Variants in MAGT1 observed in about 807,000 individuals in gnomAD.
MAGT1 encodes dolichyl-diphosphooligosaccharide--protein glycosyltransferase subunit MAGT1.
Under a neutral mutation model 28.4 loss-of-function variants are expected in MAGT1, and 4 were observed. The ratio of observed to expected loss-of-function variants is 0.14; its 90% confidence interval spans 0.07 to 0.32. MAGT1 has a LOEUF of 0.32. Among genes scored for constraint, MAGT1 ranks in the 10% least tolerant of loss-of-function variants. The pLI is 1.00. For missense variants in MAGT1, 193 were observed against 264.5 expected, an observed-to-expected ratio of 0.73 and a Z score of 1.88; for synonymous variants, 89 against 89.7, an observed-to-expected ratio of 0.99 and a Z score of 0.04.
intron 6 of MAGT1, among the ~76,000 whole-genome samples, chrX:77,854,229 C>T (rs782261711): frequency 1.8e-5 from 2 of 111,645 alleles, no homozygotes; most frequent in African/African-American, 6.5e-5. Flanking sequence ...GGCTGGAGTG[C>T]AGCGGCATGA....
At chrX:77,883,182 GC>G (rs1451090281) in intron 1 of MAGT1, among the ~76,000 whole-genome samples, 1 of 103,115 alleles carries the variant, frequency 9.7e-6, no homozygotes, top group African/African-American at 3.5e-5. Context: ...CCAAGTCTTT[GC>G]TATTGTGAGT....
At chrX:77,840,258 GA>G (rs781887603) in intron 8 of MAGT1, among the ~76,000 whole-genome samples, 27 of 93,943 alleles carry the variant, frequency 2.9e-4, no homozygotes, top group East Asian at 1.0e-3. Context: ...AAAAAAAAAA[GA>G]AAAAAAAAAC....
chrX:77,856,553 C>A, intron 5 of MAGT1, 180 bp downstream of exon 5: 1 of 445,441 alleles, frequency 2.2e-6, no homozygotes, highest in African/African-American at 2.4e-5. Context: ...GAAGTTCTGG[C>A]CATCCTTATG....
intron 2 of MAGT1, among the ~76,000 whole-genome samples, chrX:77,874,903 G>A (rs2077029257): frequency 9.3e-6 from 1 of 107,141 alleles, no homozygotes; most frequent in South Asian, 4.2e-4. Flanking sequence ...CGCCCAGGCT[G>A]GAGTGCAGTG....
At chrX:77,872,630 C>A (rs782808281) in intron 2 of MAGT1, among the ~76,000 whole-genome samples, 1 of 111,691 alleles carries the variant, frequency 9.0e-6, no homozygotes, top group Non-Finnish European at 1.9e-5. Context: ...AATATCCTGC[C>A]TGTATCAACA....
At chrX:77,890,777 AGCCAAAGAAAT>A (rs2077080072) in intron 1 of MAGT1, among the ~76,000 whole-genome samples, 2 of 111,855 alleles carry the variant, frequency 1.8e-5, no homozygotes, top group African/African-American at 3.2e-5. Context: ...TTTTCACAAT[AGCCAAAGAAAT>A]CAGCATTTTT....
At chrX:77,886,421 G>A (rs1312652059) in intron 1 of MAGT1, among the ~76,000 whole-genome samples, 1 of 110,093 alleles carries the variant, frequency 9.1e-6, no homozygotes, top group Non-Finnish European at 1.9e-5. Context: ...GAGCCCAGGA[G>A]TTCAAGACCG....
chrX:77,840,595 C>T (rs782542024), intron 8 of MAGT1, among the ~76,000 whole-genome samples: 52 of 111,737 alleles, frequency 4.7e-4, no homozygotes, highest in Non-Finnish European at 8.5e-4. Context: ...GTAATCCCAA[C>T]ACTTTGGGAG....
At chrX:77,874,296 A>T (rs192832404) in intron 2 of MAGT1, among the ~76,000 whole-genome samples, 6,015 of 97,713 alleles carry the variant, frequency 0.062, 245 homozygotes, top group African/African-American at 0.14. Flanking sequence ...TCTTTTTTTT[A>T]AAAAAAAAAA....
intron 3 of MAGT1, chrX:77,868,503 G>A (rs1226119184): frequency 1.3e-5 from 2 of 151,903 alleles, no homozygotes; most frequent in African/African-American, 3.1e-5. Flanking sequence ...CAGGCGTGGT[G>A]GTGGGCACCT....
intron 3 of MAGT1, among the ~76,000 whole-genome samples, chrX:77,864,373 G>A (rs1212969214): frequency 5.4e-5 from 6 of 110,584 alleles, no homozygotes; most frequent in African/African-American, 1.3e-4. Flanking sequence ...GCAGAGTAGC[G>A]TGACTATAAT....
At chrX:77,845,341 C>G (rs1226548476) in intron 7 of MAGT1, among the ~76,000 whole-genome samples, 1 of 111,389 alleles carries the variant, frequency 9.0e-6, no homozygotes, top group African/African-American at 3.3e-5. Context: ...TGTCTCTGCA[C>G]GTGAGATGGG....
In MAGT1 at chrX:77,865,633, G is replaced by C. The variant is rs188939408; in HGVS notation, c.390+5175C>G. ...AGGGAGACTGTCAAACAACTACAGA[G>C]CTAACTCTACTGTAAGACAAAATGT... On this transcript the variant is annotated intron_variant, in intron 3 of 9. Transcript: ENST00000618282. Among the ~76,000 whole-genome samples, 8 of 111,415 alleles carry C rather than the reference G, an allele frequency of 7.2e-5. No individual in the cohort carries two copies. In the East Asian group the frequency reaches 2.3e-3, roughly 31 times the overall value.
chrX:77,893,607 A>G (rs1238486271), intron 1 of MAGT1, among the ~76,000 whole-genome samples: 1 of 112,376 alleles, frequency 8.9e-6, no homozygotes, highest in East Asian at 2.8e-4. Context: ...ATTAAAAAGA[A>G]TAAGTGGACT....
In MAGT1 at chrX:77,828,655, G is replaced by C. The variant is rs2149007626; in HGVS notation, c.*565C>G. On this transcript the variant is annotated 3_prime_UTR_variant, in exon 10 of 10. Transcript: ENST00000618282. ...GAGGAGAAACAACTGTCTTGCTGAGGGCTAGACGTGTGCTCTGAAGAATGG... is the reference window on the plus strand; with the variant it reads ...GAGGAGAAACAACTGTCTTGCTGAGCGCTAGACGTGTGCTCTGAAGAATGG... 1.8e-5 allele frequency: 2 copies of C among 113,022 alleles called. 1 individual carries two copies. The highest frequency in any genetic ancestry group is 7.3e-4 in the South Asian group (2 of 2,735). 9.3% of individuals were successfully genotyped at this position (113,022 alleles called of 1,213,427 possible). A position where few individuals can be genotyped will look rare whatever the true frequency, so the allele number is the denominator to read the frequency against.
intron 7 of MAGT1, among the ~76,000 whole-genome samples, chrX:77,851,143 G>A (rs2076966768): frequency 9.2e-6 from 1 of 108,196 alleles, no homozygotes; most frequent in African/African-American, 3.4e-5. Flanking sequence ...GCTAATTTTT[G>A]TATTTCTTGT....
rs1395513832 is a variant in MAGT1, at chrX:77,826,314, T to G, written c.*2906A>C. ...TAAAATCCTAATTTTACAATTCTAG[T>G]TTAGTGTTTAAAACTCACTCCTCTT... On this transcript the variant is annotated 3_prime_UTR_variant, in exon 10 of 10. Coordinates refer to ENST00000618282, the MANE Select transcript of MAGT1 (RefSeq NM_001367916.1). 2 of 112,420 alleles carry G rather than the reference T, an allele frequency of 1.8e-5. No individual in the cohort carries two copies. The highest frequency in any genetic ancestry group is 9.5e-5 in the Admixed American group (1 of 10,509). The allele number at this position is 112,420 out of a possible 1,213,427, so 9.3% of individuals were successfully genotyped here.
At chrX:77,841,124 A>G in intron 8 of MAGT1, 122 bp downstream of exon 8, 1 of 491,198 alleles carries the variant, frequency 2.0e-6, no homozygotes. Context: ...ACATTTAAAG[A>G]AAAAAATAGT....
At chrX:77,864,552 ATTATG>A (rs1184404417) in intron 3 of MAGT1, among the ~76,000 whole-genome samples, 19 of 111,393 alleles carry the variant, frequency 1.7e-4, no homozygotes, top group African/African-American at 5.2e-4. Flanking sequence ...ATGTACAAAT[ATTATG>A]TTATCAGTAA....
Sources: allele counts gnomAD v4.1 joint callset (sites outside exome capture counted in the v4.1 genomes callset), GRCh38; gene constraint gnomAD v4.1.1; transcripts MANE v1.5; gene names NCBI Gene and HGNC (gene_info 2026-07-23, HGNC 2026-07-21).